The following MRPS27 variants were observed in gnomAD, a reference collection of about 807,000 sequenced individuals.
MRPS27 encodes mitochondrial ribosomal protein S27.
MRPS27 carries 43 observed loss-of-function variants against 48.9 expected under a neutral mutation model. That is an observed-to-expected ratio of 0.88 (90% CI 0.69 to 1.13). MRPS27 has a LOEUF of 1.13. MRPS27 is among the 50% of genes most tolerant of loss of function. MRPS27 has a pLI of 0.00. For missense variants in MRPS27, 467 were observed against 476.3 expected (o/e 0.98, Z 0.18); for synonymous variants, 188 against 171.9 (o/e 1.09, Z -0.73).
chr5:72,258,106 A>C (rs1243272494), intron 4 of MRPS27, among the ~76,000 whole-genome samples: 2 of 151,318 alleles, frequency 1.3e-5, no homozygotes, highest in African/African-American at 4.9e-5. Flanking sequence ...AAAAAAAAGA[A>C]TTGGAGAATG....
chr5:72,295,513 A>G lies in MRPS27; in HGVS notation c.281+18T>C. 1 of 1,591,214 alleles carries G rather than the reference A, an allele frequency of 6.3e-7. No individual in the cohort carries two copies. The highest frequency in any genetic ancestry group is 8.6e-7 in the Non-Finnish European group (1 of 1,160,064). On this transcript the variant is annotated intron_variant, in intron 4 of 10. Coordinates refer to ENST00000261413, the MANE Select transcript of MRPS27 (RefSeq NM_015084.3). ...GTGAAATCACAGAGTACATAGCCAA[A>G]TCAAATGGAAAACTTACTTGTAAAG...
intron 1 of MRPS27, among the ~76,000 whole-genome samples, chr5:72,316,723 ACT>A (rs1279886688): frequency 4.7e-5 from 7 of 150,494 alleles, no homozygotes; most frequent in Non-Finnish European, 1.0e-4. Flanking sequence ...TACCTCAATA[ACT>A]CTGTTTAAAA....
rs561513250 is a variant in MRPS27, at chr5:72,293,334, T to A, written c.281+2197A>T. On this transcript the variant is annotated intron_variant, in intron 4 of 10. Coordinates refer to ENST00000261413, the MANE Select transcript of MRPS27 (RefSeq NM_015084.3). ...CTGATAAAAAGAGAGTCAATTTTCTTGGTAATGGAAGGGAGGAGAAAGAAC... is the reference window on the plus strand; with the variant it reads ...CTGATAAAAAGAGAGTCAATTTTCTAGGTAATGGAAGGGAGGAGAAAGAAC... Among the ~76,000 whole-genome samples, 5 of 151,830 alleles carry A rather than the reference T, an allele frequency of 3.3e-5. No homozygotes were observed. The South Asian group carries it at 8.3e-4, about 25-fold the overall frequency.
chr5:72,312,883 G>A (rs1750477058), intron 2 of MRPS27, among the ~76,000 whole-genome samples: 1 of 152,130 alleles, frequency 6.6e-6, no homozygotes, highest in African/African-American at 2.4e-5. Flanking sequence ...CTCCCAAAGT[G>A]CTGGGATTAC....
rs528050445 is a variant in MRPS27 at position 72,300,331 on chromosome 5, T to G, written c.152-2629A>C. On this transcript the variant is annotated intron_variant, in intron 2 of 10. Transcript: ENST00000261413. ...TCTAGGACTCTAGTAGACTGCAGAC[T>G]TCCCTTCTCCATCTATGCTCGGTCC... 9.3e-4 allele frequency among the ~76,000 whole-genome samples: 141 copies of G among 152,314 alleles called. 1 individual carries two copies. Among genetic ancestry groups the G allele is most frequent in the African/African-American group, 3.3e-3 (136 of 41,566 alleles).
chr5:72,272,460 C>T (rs1160833346), intron 4 of MRPS27, among the ~76,000 whole-genome samples: 1 of 152,188 alleles, frequency 6.6e-6, no homozygotes, highest in Non-Finnish European at 1.5e-5. Flanking sequence ...CCTACATGAC[C>T]AGCTCTCAGT....
At chr5:72,278,607 G>A (rs1749448374) in intron 4 of MRPS27, among the ~76,000 whole-genome samples, 1 of 151,956 alleles carries the variant, frequency 6.6e-6, no homozygotes, top group African/African-American at 2.4e-5. Context: ...TGAATTTGTT[G>A]TTTACCATTT....
At chr5:72,264,072 T>G (rs1749047636) in intron 4 of MRPS27, among the ~76,000 whole-genome samples, 1 of 151,970 alleles carries the variant, frequency 6.6e-6, no homozygotes, top group Admixed American at 6.6e-5. Flanking sequence ...TAAAAAGAAA[T>G]AAAGTACTGA....
chr5:72,312,332 A>T (rs1490865395), intron 2 of MRPS27, among the ~76,000 whole-genome samples: 1 of 152,138 alleles, frequency 6.6e-6, no homozygotes, highest in African/African-American at 2.4e-5. Context: ...GAGGGAAGAC[A>T]TACCTTTGAA....
At chr5:72,305,765 C>T (rs1273296510) in intron 2 of MRPS27, among the ~76,000 whole-genome samples, 1 of 152,246 alleles carries the variant, frequency 6.6e-6, no homozygotes, top group African/African-American at 2.4e-5. Flanking sequence ...GCCTGCCCTC[C>T]TACCAACACC....
chr5:72,293,736 T>G (rs1027050383), intron 4 of MRPS27, among the ~76,000 whole-genome samples: 48 of 152,252 alleles, frequency 3.2e-4, no homozygotes, highest in African/African-American at 1.1e-3. Flanking sequence ...GAAGTACTTC[T>G]GAATTTGGAA....
At chr5:72,226,723 C>T (rs1240023756) in intron 8 of MRPS27, among the ~76,000 whole-genome samples, 1 of 151,964 alleles carries the variant, frequency 6.6e-6, no homozygotes, top group Non-Finnish European at 1.5e-5. Flanking sequence ...CCTCATCTTT[C>T]CCTTCTTTCC....
chr5:72,308,712 C>T (rs538943075), intron 2 of MRPS27, among the ~76,000 whole-genome samples: 3 of 152,208 alleles, frequency 2.0e-5, no homozygotes, highest in Non-Finnish European at 2.9e-5. Context: ...CAAGTAGTGT[C>T]GTCGAGTAAA....
At chr5:72,294,627 A>G (rs1749928881) in intron 4 of MRPS27, 1 of 152,178 alleles carries the variant, frequency 6.6e-6, no homozygotes, top group African/African-American at 2.4e-5. Context: ...TGTTGCACTG[A>G]ACATACTTTT....
At chr5:72,269,378 TATTCA>T (rs148821855) in intron 4 of MRPS27, among the ~76,000 whole-genome samples, 1 of 152,330 alleles carries the variant, frequency 6.6e-6, no homozygotes, top group East Asian at 1.9e-4. Flanking sequence ...AGGAAATGTA[TATTCA>T]AACAGGTATC....
intron 4 of MRPS27, among the ~76,000 whole-genome samples, chr5:72,249,216 T>C (rs1396261747): frequency 6.6e-6 from 1 of 152,210 alleles, no homozygotes; most frequent in East Asian, 1.9e-4. Context: ...TCTATACCTA[T>C]ATGAAATTAC....
intron 2 of MRPS27, among the ~76,000 whole-genome samples, chr5:72,306,836 G>C (rs553183564): frequency 3.9e-5 from 6 of 152,238 alleles, no homozygotes; most frequent in African/African-American, 9.6e-5. Flanking sequence ...AAGTAATCTG[G>C]TGAACAGGTG....
intron 4 of MRPS27, among the ~76,000 whole-genome samples, chr5:72,277,433 G>A (rs537333153): frequency 5.3e-5 from 8 of 151,872 alleles, no homozygotes; most frequent in East Asian, 3.9e-4. Flanking sequence ...GTGAAACCCC[G>A]TCTCTACTAA....
At chr5:72,296,901 T>C (rs973767324) in intron 3 of MRPS27, among the ~76,000 whole-genome samples, 1 of 152,150 alleles carries the variant, frequency 6.6e-6, no homozygotes, top group Non-Finnish European at 1.5e-5. Context: ...ATGCTGAAAA[T>C]GAGAAAATTG....
Sources: allele counts gnomAD v4.1 joint callset (sites outside exome capture counted in the v4.1 genomes callset), GRCh38; gene constraint gnomAD v4.1.1; transcripts MANE v1.5; gene names NCBI Gene and HGNC (gene_info 2026-07-23, HGNC 2026-07-21).